PCNT: variants seen among roughly 807,000 people sequenced by gnomAD.
The protein encoded by PCNT is kendrin.
In PCNT, 319 loss-of-function variants were observed where a neutral mutation model predicts 380.4. That is an observed-to-expected ratio of 0.84 (90% CI 0.77 to 0.92). The LOEUF (loss-of-function observed/expected upper bound fraction) is 0.92. Among genes scored for constraint, PCNT ranks in the 40% least tolerant of loss-of-function variants. The pLI is 0.00. For missense variants in PCNT, 4,400 were observed against 4,255.3 expected (o/e 1.03, Z -0.95); for synonymous variants, 1,845 against 1,735.2 (o/e 1.06, Z -1.57).
Position 46,427,715 on chromosome 21 carries a change from C to T in PCNT, c.7414C>T (p.Leu2472=). ...EKEQEMQGVE[L]QPRLSGSDLG... ...AGAGCAGGAGATGCAGGGGGTTGAG[C>T]TGCAGCCCCGACTCAGTGGCTCAGA... Residue 2472 remains leucine (L), a synonymous_variant, in exon 34 of 47, where the codon CTG becomes TTG. Transcript: ENST00000359568. 1 of 1,613,852 alleles carries T rather than the reference C, an allele frequency of 6.2e-7. No homozygotes were observed. The highest frequency in any genetic ancestry group is 8.5e-7 in the Non-Finnish European group (1 of 1,180,004).
rs149992133 is a variant in PCNT, at chr21:46,366,752, G to A, written c.2778G>A (p.Ala926=). The A allele has an allele frequency of 3.7e-6, 6 of 1,613,452 alleles. No homozygotes were observed. Among genetic ancestry groups the A allele is most frequent in the East Asian group, 2.2e-5 (1 of 44,884 alleles). Residue 926 remains alanine, a synonymous_variant, in exon 15 of 47, where the codon GCG becomes GCA. Transcript: ENST00000359568. ...TAELEARHQA[A]LGELTASLES... Reference sequence around the variant, plus strand: ...AGCTCGAGGCCAGACACCAGGCCGCGTTGGGCGAGCTGACAGCCTCCTTAG... The same window carrying A: ...AGCTCGAGGCCAGACACCAGGCCGCATTGGGCGAGCTGACAGCCTCCTTAG...
At chr21:46,419,484 C>T (rs797022467) in intron 31 of PCNT, among the ~76,000 whole-genome samples, 1 of 152,246 alleles carries the variant, frequency 6.6e-6, no homozygotes, top group Non-Finnish European at 1.5e-5. Flanking sequence ...CCTTGCTACA[C>T]GAGGTGCAGT....
At position 46,427,708 on chromosome 21, in the gene PCNT, G is replaced by T. The variant is rs1569293431; in HGVS notation, c.7407G>T (p.Gly2469=). 1 of 1,613,846 alleles carries T rather than the reference G, an allele frequency of 6.2e-7. No individual in the cohort carries two copies. Among genetic ancestry groups the T allele is most frequent in the South Asian group, 1.1e-5 (1 of 91,080 alleles). The change falls in exon 34 of 47, where the codon GGG becomes GGT. Residue 2469 remains glycine, a synonymous_variant. Coordinates refer to ENST00000359568, the MANE Select transcript of PCNT (RefSeq NM_006031.6). Reference sequence around the variant, plus strand: ...TTGAAAAAGAGCAGGAGATGCAGGGGGTTGAGCTGCAGCCCCGACTCAGTG... The same window carrying T: ...TTGAAAAAGAGCAGGAGATGCAGGGTGTTGAGCTGCAGCCCCGACTCAGTG... ...EAFEKEQEMQ[G]VELQPRLSGS... is the part of the protein sequence containing the mutation.
chr21:46,418,001 A>G (rs1430632551), intron 30 of PCNT, among the ~76,000 whole-genome samples: 1 of 152,248 alleles, frequency 6.6e-6, no homozygotes, highest in Non-Finnish European at 1.5e-5. Flanking sequence ...TATTGGCTAC[A>G]TTAAAATATT....
At chr21:46,399,927 C>T (rs2086365482) in intron 25 of PCNT, 131 bp downstream of exon 25, 3 of 808,790 alleles carry the variant, frequency 3.7e-6, no homozygotes, top group African/African-American at 3.4e-5. Flanking sequence ...ACCAGAAACA[C>T]TGGCGTCAGG....
chr21:46,375,924 G>T (rs1196854428), intron 15 of PCNT, among the ~76,000 whole-genome samples: 1 of 152,278 alleles, frequency 6.6e-6, no homozygotes, highest in Admixed American at 6.5e-5. Flanking sequence ...TGCGGGTGGT[G>T]CTGTGCCTTG....
At chr21:46,364,860 G>A (rs1257777043) in intron 14 of PCNT, among the ~76,000 whole-genome samples, 2 of 152,232 alleles carry the variant, frequency 1.3e-5, no homozygotes, top group Non-Finnish European at 2.9e-5. Flanking sequence ...ACCAGGCTAC[G>A]ACATGCAGTT....
intron 36 of PCNT, 51 bp downstream of exon 36, chr21:46,430,283 C>G (rs1287225236): frequency 7.8e-6 from 12 of 1,543,812 alleles, no homozygotes; most frequent in Non-Finnish European, 9.8e-6. Flanking sequence ...CCCCGTTGTG[C>G]CATGTTTTCT....
chr21:46,403,831 A>C (rs2011155716), intron 27 of PCNT, among the ~76,000 whole-genome samples: 2 of 142,232 alleles, frequency 1.4e-5, no homozygotes, highest in Admixed American at 7.1e-5. Context: ...CGGTGAATCA[A>C]CTCAGCGTGG....
At position 46,366,827 on chromosome 21, in the gene PCNT, A is replaced by G. The variant is rs148696754; in HGVS notation, c.2853A>G (p.Thr951=). 2 of 1,613,984 alleles carry G rather than the reference A, an allele frequency of 1.2e-6. No individual in the cohort carries two copies. The change falls in exon 15 of 47, where the codon ACA becomes ACG. Residue 951 remains threonine (T), a synonymous_variant. Coordinates refer to ENST00000359568, the MANE Select transcript of PCNT (RefSeq NM_006031.6). ...CTGCACGTGTGGCCGAACTGCAGAC[A>G]AAACACGCTGCCGACCTCGGCGCTC... ...LLAARVAELQ[T]KHAADLGALE...
chr21:46,407,340 CTTTTTTTTTTT>C (rs899881614), intron 27 of PCNT, among the ~76,000 whole-genome samples: 1 of 106,434 alleles, frequency 9.4e-6, no homozygotes, highest in East Asian at 2.7e-4. Flanking sequence ...TATACTTTCT[CTTTTTTTTTTT>C]TTTTTTTTGA....
Position 46,367,031 on chromosome 21 carries a change from G to A in PCNT, c.3057G>A (p.Leu1019=). The change falls in exon 15 of 47, where the codon CTG becomes CTA. Residue 1019 remains leucine (L), a synonymous_variant. Transcript: ENST00000359568. The stretch of plus-strand genomic sequence containing the variant: ...TTTTGACTCAAGAGTTGGAGAAACT[G>A]AAGCGGAAACACGAAGGGGAGCTAC... The part of the protein sequence containing the change: ...QTILTQELEK[L]KRKHEGELQS... 4.3e-6 allele frequency: 7 copies of A among 1,614,148 alleles called. No individual in the cohort carries two copies. Among genetic ancestry groups the A allele is most frequent in the Non-Finnish European group, 5.9e-6 (7 of 1,180,030 alleles).
At chr21:46,369,883 T>C (rs544591042) in intron 15 of PCNT, among the ~76,000 whole-genome samples, 37 of 152,334 alleles carry the variant, frequency 2.4e-4, no homozygotes, top group African/African-American at 8.7e-4. Context: ...CAAGCGGCCC[T>C]GCAGGAACTC....
chr21:46,436,069 C>A lies in PCNT; in HGVS notation c.8917C>A (p.Arg2973=). 3 of 1,613,394 alleles carry A rather than the reference C, an allele frequency of 1.9e-6. No individual in the cohort carries two copies. Among genetic ancestry groups the A allele is most frequent in the Non-Finnish European group, 2.5e-6 (3 of 1,179,950 alleles). The change falls in exon 39 of 47, where the codon CGA becomes AGA. Residue 2973 remains arginine, a synonymous_variant. Transcript: ENST00000359568. The stretch of plus-strand genomic sequence containing the variant: ...TGCGGACCACCTCCGGGAACAGCAG[C>A]GAGAGCTGGAGGCGATGAGGCAGCG... ...SDADHLREQQ[R]ELEAMRQRLL... is the part of the protein sequence containing the mutation.
intron 2 of PCNT, among the ~76,000 whole-genome samples, chr21:46,334,018 A>ATCAAG (rs2083645993): frequency 1.3e-5 from 2 of 152,066 alleles, no homozygotes; most frequent in African/African-American, 4.8e-5. Context: ...CATCTTGGCT[A>ATCAAG]ACATGGTGAA....
At chr21:46,332,583 C>T (rs1272274339) in intron 2 of PCNT, among the ~76,000 whole-genome samples, 1 of 152,160 alleles carries the variant, frequency 6.6e-6, no homozygotes, top group Non-Finnish European at 1.5e-5. Context: ...TACTGTGTCC[C>T]CTTTTCGTCC....
At chr21:46,366,419 C>T (rs1323433171) in intron 14 of PCNT, among the ~76,000 whole-genome samples, 165 bp from the exon 15 acceptor site, 1 of 152,174 alleles carries the variant, frequency 6.6e-6, no homozygotes, top group Non-Finnish European at 1.5e-5. Context: ...CTCCCACTTA[C>T]TATTTCTGGT....
intron 13 of PCNT, among the ~76,000 whole-genome samples, chr21:46,358,360 A>G (rs2084555776): frequency 6.6e-6 from 1 of 152,204 alleles, no homozygotes; most frequent in African/African-American, 2.4e-5. Context: ...AATGATTTTC[A>G]TTCTCCATCA....
chr21:46,404,636 T>C (rs1184477586), intron 27 of PCNT, among the ~76,000 whole-genome samples: 3 of 152,306 alleles, frequency 2.0e-5, no homozygotes, highest in Admixed American at 6.5e-5. Flanking sequence ...TCATACAATA[T>C]TTATAATACT....
Sources: allele counts gnomAD v4.1 joint callset (sites outside exome capture counted in the v4.1 genomes callset), GRCh38; gene constraint gnomAD v4.1.1; transcripts MANE v1.5; gene names NCBI Gene and HGNC (gene_info 2026-07-23, HGNC 2026-07-21).